CFAP91: variants seen among roughly 807,000 people sequenced by gnomAD.
The protein encoded by CFAP91 is cilia- and flagella-associated protein 91.
Under a neutral mutation model 95.9 loss-of-function variants are expected in CFAP91, and 85 were observed. That is an observed-to-expected ratio of 0.89 (90% CI 0.74 to 1.06). The LOEUF (loss-of-function observed/expected upper bound fraction) is 1.06. Among genes scored for constraint, CFAP91 ranks in the 50% least tolerant of loss-of-function variants. The pLI, the probability that CFAP91 is intolerant of heterozygous loss-of-function variation, is 0.00. For missense variants in CFAP91, 962 were observed against 943.4 expected (o/e 1.02, Z -0.26); for synonymous variants, 335 against 327.5 (o/e 1.02, Z -0.25).
chr3:119,714,222 C>T (rs569456444), intron 5 of CFAP91, among the ~76,000 whole-genome samples: 5 of 151,914 alleles, frequency 3.3e-5, no homozygotes, highest in Non-Finnish European at 5.9e-5. Context: ...AAAAATTAGC[C>T]GGGCGTGGTG....
chr3:119,733,409 C>A lies in CFAP91; in HGVS notation c.1247C>A (p.Pro416His), dbSNP rs765649223. The change falls in exon 10 of 18, where the codon CCC becomes CAC. Residue 416 changes from proline to histidine, a missense_variant. Physicochemically the swap from Pro to His is moderately conservative, Grantham distance 77. Coordinates refer to ENST00000273390, the MANE Select transcript of CFAP91 (RefSeq NM_033364.4). ...ESCLPDFVTQ[P>H]QIRAPKPKVI... ...TGTCTCCCAGATTTTGTGACACAACCCCAAATCAGAGCTCCAAAACCTAAA... is the reference window on the plus strand; with the variant it reads ...TGTCTCCCAGATTTTGTGACACAACACCAAATCAGAGCTCCAAAACCTAAA... 6.8e-6 allele frequency: 11 copies of A among 1,614,008 alleles called. No individual in the cohort carries two copies. Among genetic ancestry groups the A allele is most frequent in the Admixed American group, 1.7e-5 (1 of 60,010 alleles).
rs778347491 is a variant in CFAP91, at chr3:119,750,951, C to T, written c.2158C>T (p.Arg720Trp). 9.3e-6 allele frequency: 15 copies of T among 1,613,754 alleles called. No individual in the cohort carries two copies. Among genetic ancestry groups the T allele is most frequent in the Middle Eastern group, 1.6e-4 (1 of 6,080 alleles). ...FVKEKVRNAQ[R>W]KHILAAHQII... is the part of the protein sequence containing the mutation. Reference sequence around the variant, plus strand: ...CTTTGGCACAGTGAGGAACGCACAGCGGAAACATATTCTTGCAGCCCATCA... The same window carrying T: ...CTTTGGCACAGTGAGGAACGCACAGTGGAAACATATTCTTGCAGCCCATCA... The change falls in exon 17 of 18, where the codon CGG becomes TGG. Residue 720 changes from arginine (R) to tryptophan (W), a missense_variant. Transcript: ENST00000273390.
At chr3:119,747,532 C>T (rs918625276) in intron 15 of CFAP91, 1 of 559,128 alleles carries the variant, frequency 1.8e-6, no homozygotes, top group Non-Finnish European at 3.1e-6. Flanking sequence ...GTGTGTGCAA[C>T]ATTACTGGGA....
intron 3 of CFAP91, among the ~76,000 whole-genome samples, chr3:119,707,879 G>T (rs2053400758): frequency 6.6e-6 from 1 of 151,838 alleles, no homozygotes; most frequent in African/African-American, 2.4e-5. Flanking sequence ...TTGGGAACTT[G>T]GGGCCAAAGC....
chr3:119,740,494 C>T, intron 12 of CFAP91, 55 bp from the exon 13 acceptor site: 2 of 1,586,078 alleles, frequency 1.3e-6, no homozygotes, highest in South Asian at 2.3e-5. Context: ...ACTCCTAGTG[C>T]TTGGCACAAA....
chr3:119,723,590 G>A (rs1012549900), intron 6 of CFAP91, among the ~76,000 whole-genome samples: 1 of 152,174 alleles, frequency 6.6e-6, no homozygotes, highest in Non-Finnish European at 1.5e-5. Context: ...GCAAGCTGCA[G>A]AATGAATAGC....
intron 16 of CFAP91, 42 bp downstream of exon 16, chr3:119,747,944 T>C (rs1245205988): frequency 5.6e-6 from 8 of 1,439,052 alleles, no homozygotes; most frequent in Non-Finnish European, 7.7e-6. Flanking sequence ...TTTTTAAAGA[T>C]GTAAATTATT....
chr3:119,711,562 G>T (rs1577199049), intron 5 of CFAP91, among the ~76,000 whole-genome samples: 1 of 152,308 alleles, frequency 6.6e-6, no homozygotes, highest in Non-Finnish European at 1.5e-5. Context: ...TTCCATCCAA[G>T]AGTTAAACCA....
intron 17 of CFAP91, among the ~76,000 whole-genome samples, chr3:119,754,080 G>T (rs2107917089): frequency 6.6e-6 from 1 of 152,318 alleles, no homozygotes; most frequent in South Asian, 2.1e-4. Flanking sequence ...ACTGGTTATG[G>T]GTAGAAGCTG....
chr3:119,704,308 A>G (rs1253591625), intron 1 of CFAP91, among the ~76,000 whole-genome samples: 9 of 152,198 alleles, frequency 5.9e-5, no homozygotes, highest in Admixed American at 5.9e-4. Flanking sequence ...GTCCCTTGCT[A>G]AGAACAGAAA....
chr3:119,747,568 A>G (rs2054246838), intron 15 of CFAP91: 1 of 567,806 alleles, frequency 1.8e-6, no homozygotes, highest in Admixed American at 3.3e-5. Flanking sequence ...GCTGGCTTCT[A>G]TGTATAAGCT....
chr3:119,728,647 C>T (rs1000931100), intron 7 of CFAP91, among the ~76,000 whole-genome samples: 13 of 152,150 alleles, frequency 8.5e-5, no homozygotes, highest in Admixed American at 8.5e-4. Flanking sequence ...CACTCTCGCC[C>T]CTCTCAAGTG....
chr3:119,716,498 G>A (rs767630615), intron 6 of CFAP91, among the ~76,000 whole-genome samples: 3 of 152,308 alleles, frequency 2.0e-5, no homozygotes, highest in Non-Finnish European at 4.4e-5. Flanking sequence ...TCAAGTCTGC[G>A]TCCCAGACAA....
chr3:119,733,243 A>T, intron 9 of CFAP91, 121 bp from the exon 10 acceptor site: 4 of 931,638 alleles, frequency 4.3e-6, no homozygotes, highest in Non-Finnish European at 6.4e-6. Flanking sequence ...ATTATATGAG[A>T]TACACCCTCT....
intron 13 of CFAP91, among the ~76,000 whole-genome samples, chr3:119,742,955 G>C (rs2054148252): frequency 6.6e-6 from 1 of 152,126 alleles, no homozygotes; most frequent in Non-Finnish European, 1.5e-5. Context: ...TTACAAGCAA[G>C]GATAGGAGAG....
chr3:119,739,064 TAATG>T lies in CFAP91; in HGVS notation c.1462-187_1462-184del, dbSNP rs148625009. 7.3e-3 allele frequency among the ~76,000 whole-genome samples: 1,116 copies of T among 152,276 alleles called. 7 individuals carry two copies. Among genetic ancestry groups the T allele is most frequent in the Middle Eastern group, 0.037 (11 of 294 alleles). ...AATATGATTTGTTAATGATGAAAAA[TAATG>T]AATTCTAATGTAAGTAACATTAAAA... is the stretch of plus-strand genomic sequence containing the variant. On this transcript the variant is annotated intron_variant, in intron 11 of 17. Transcript: ENST00000273390.
Position 119,747,817 on chromosome 3 carries a change from C to T in CFAP91, c.2058C>T (p.Thr686=), listed in dbSNP as rs1319697463. The change falls in exon 16 of 18, where the codon ACC becomes ACT. Residue 686 remains threonine, a synonymous_variant. Transcript: ENST00000273390. The part of the protein sequence containing the change: ...DIAYEMESRR[T]YLQSEEIVAE... ...TTTGTTTTATATTTTTTAGCCGAAC[C>T]TATCTTCAGTCAGAGGAGATTGTTG... The T allele has an allele frequency of 6.2e-7, 1 of 1,611,508 alleles. No individual in the cohort carries two copies. Among genetic ancestry groups the T allele is most frequent in the Non-Finnish European group, 8.5e-7 (1 of 1,179,006 alleles).
At position 119,739,287 on chromosome 3, in the gene CFAP91, C is replaced by T; in HGVS notation, c.1494C>T (p.Tyr498=). ...AAGAAATGGAAATGGCTGTGATCTA[C>T]CTTCAAAAGTTACTCCGGGGCAGAG... is the stretch of plus-strand genomic sequence containing the variant. ...EEEEMEMAVI[Y]LQKLLRGRVV... is the part of the protein sequence containing the mutation. Residue 498 remains tyrosine, a synonymous_variant, in exon 12 of 18, where the codon TAC becomes TAT. Coordinates refer to ENST00000273390, the MANE Select transcript of CFAP91 (RefSeq NM_033364.4). 1.2e-6 allele frequency: 2 copies of T among 1,614,112 alleles called. No homozygotes were observed. Among genetic ancestry groups the T allele is most frequent in the Non-Finnish European group, 1.7e-6 (2 of 1,179,988 alleles).
At chr3:119,733,302 TA>T in intron 9 of CFAP91, 61 bp from the exon 10 acceptor site, 1 of 1,561,932 alleles carries the variant, frequency 6.4e-7, no homozygotes, top group African/African-American at 1.4e-5. Flanking sequence ...AAGTTAACAA[TA>T]TACCTTAAAA....
Sources: allele counts gnomAD v4.1 joint callset (sites outside exome capture counted in the v4.1 genomes callset), GRCh38; gene constraint gnomAD v4.1.1; transcripts MANE v1.5; gene names NCBI Gene and HGNC (gene_info 2026-07-23, HGNC 2026-07-21).